The following TASL variants were observed in gnomAD, a reference collection of about 807,000 sequenced individuals.
TASL encodes the protein TLR adapter interacting with SLC15A4 on the lysosome.
In TASL, 6 loss-of-function variants were observed where a neutral mutation model predicts 12.9. That is an observed-to-expected ratio of 0.46 (90% CI 0.25 to 0.92). The LOEUF (loss-of-function observed/expected upper bound fraction) is 0.92, where lower values mean the gene tolerates loss of function less well. Ranked by LOEUF, TASL falls within the 40% of genes least tolerant of loss-of-function variation. The probability of loss-of-function intolerance (pLI) is 0.17; values close to 1 mark genes in which losing one functional copy is unlikely to be tolerated. For missense variants in TASL, 165 were observed against 212.8 expected (o/e 0.78, Z 1.40); for synonymous variants, 85 against 79.3 (o/e 1.07, Z -0.38).
intron 1 of TASL, 65 bp from the exon 2 acceptor site, chrX:30,576,931 C>T (rs753010856): frequency 5.4e-5 from 6 of 112,121 alleles, no homozygotes; most frequent in Non-Finnish European, 5.6e-5. Flanking sequence ...TATATTTAAG[C>T]ACAGATTCAT....
intron 2 of TASL, among the ~76,000 whole-genome samples, chrX:30,574,443 T>C (rs1303192897): frequency 2.7e-5 from 3 of 111,305 alleles, no homozygotes; most frequent in African/African-American, 9.8e-5. Context: ...AGATTGAGGA[T>C]TGGTGGGGAG....
chrX:30,573,617 A>T (rs1156660704), intron 2 of TASL, among the ~76,000 whole-genome samples: 1 of 111,871 alleles, frequency 8.9e-6, no homozygotes, highest in Non-Finnish European at 1.9e-5. Flanking sequence ...CATCTTTCAC[A>T]GGGTGATTTA....
At chrX:30,571,256 GAGAAAGAA>G (rs58163494) in intron 2 of TASL, among the ~76,000 whole-genome samples, 1,865 of 36,637 alleles carry the variant, frequency 0.051, 49 homozygotes, top group Middle Eastern at 0.065. Flanking sequence ...GAGAAAGAAA[GAGAAAGAA>G]AGAAAGAAAG....
chrX:30,558,816 T>C lies in TASL; in HGVS notation c.*634A>G, dbSNP rs772520810. ...ACCCTGAAACCTTTTGACTTTTTTT[T>C]TTTTTTTGAGACGGGAGTCTCACTC... On this transcript the variant is annotated 3_prime_UTR_variant, in exon 3 of 3. Coordinates refer to ENST00000378962, the MANE Select transcript of TASL (RefSeq NM_025159.3). 65 of 110,205 alleles carry C rather than the reference T, an allele frequency of 5.9e-4. No individual in the cohort carries two copies. The highest frequency in any genetic ancestry group is 2.1e-3 in the African/African-American group (62 of 30,228). The allele number at this position is 110,205 out of a possible 1,213,427, so 9.1% of individuals were successfully genotyped here.
chrX:30,571,294 G>GAAAGAAAA (rs1930614914), intron 2 of TASL, among the ~76,000 whole-genome samples: 1 of 85,587 alleles, frequency 1.2e-5, no homozygotes, highest in African/African-American at 4.7e-5. Flanking sequence ...AAGAAAGAAA[G>GAAAGAAAA]AAAGAAAGAA....
At chrX:30,566,115 T>C (rs1930494189) in intron 2 of TASL, among the ~76,000 whole-genome samples, 1 of 111,325 alleles carries the variant, frequency 9.0e-6, no homozygotes, top group Non-Finnish European at 1.9e-5. Flanking sequence ...CATTATAGCA[T>C]ACTATGACAG....
intron 2 of TASL, among the ~76,000 whole-genome samples, chrX:30,562,733 C>T (rs1285957537): frequency 2.7e-5 from 3 of 110,819 alleles, no homozygotes; most frequent in African/African-American, 9.9e-5. Context: ...ACAGTGAGTA[C>T]TTTCCCACCA....
intron 2 of TASL, among the ~76,000 whole-genome samples, chrX:30,562,168 T>G (rs1439694539): frequency 1.8e-5 from 2 of 112,030 alleles, no homozygotes; most frequent in Admixed American, 1.9e-4. Flanking sequence ...GAAATAATCG[T>G]TTGGGAGAAA....
chrX:30,576,946 G>A (rs528101635), intron 1 of TASL, 80 bp from the exon 2 acceptor site: 7 of 112,063 alleles, frequency 6.2e-5, no homozygotes, highest in East Asian at 2.8e-4. Context: ...ATTCATATGC[G>A]CAAGACAAAG....
In TASL at chrX:30,559,103, C is replaced by G. The variant is rs1255719391; in HGVS notation, c.*347G>C. Reference sequence around the variant, plus strand: ...GATTACAGGCGTGAGCCACTACACCCGGCCACCTTTTGGCCTTTTTGTTTC... The same window carrying G: ...GATTACAGGCGTGAGCCACTACACCGGGCCACCTTTTGGCCTTTTTGTTTC... On this transcript the variant is annotated 3_prime_UTR_variant, in exon 3 of 3. Transcript: ENST00000378962. The G allele has an allele frequency of 7.0e-6, 1 of 142,937 alleles. No homozygotes were observed. Among genetic ancestry groups the G allele is most frequent in the Admixed American group, 8.0e-5 (1 of 12,540 alleles). The allele number at this position is 142,937 out of a possible 1,213,427, so 11.8% of individuals were successfully genotyped here.
At chrX:30,572,091 C>G (rs931668087) in intron 2 of TASL, among the ~76,000 whole-genome samples, 11 of 111,234 alleles carry the variant, frequency 9.9e-5, no homozygotes, top group Non-Finnish European at 1.9e-4. Context: ...GAAAAGACAC[C>G]TGAGAATATT....
At chrX:30,571,140 A>G (rs992196128) in intron 2 of TASL, among the ~76,000 whole-genome samples, 2 of 105,571 alleles carry the variant, frequency 1.9e-5, no homozygotes, top group Non-Finnish European at 3.9e-5. Context: ...AGATTGCGCC[A>G]CTGCATTCCA....
At chrX:30,566,710 C>T (rs941474632) in intron 2 of TASL, among the ~76,000 whole-genome samples, 2 of 111,262 alleles carry the variant, frequency 1.8e-5, no homozygotes, top group South Asian at 3.7e-4. Context: ...AATTGTTCAA[C>T]GAAAAATTGT....
intron 2 of TASL, among the ~76,000 whole-genome samples, chrX:30,562,447 C>T (rs966108701): frequency 1.1e-4 from 12 of 111,581 alleles, no homozygotes; most frequent in African/African-American, 3.9e-4. Flanking sequence ...ATCAAGTCTG[C>T]TCACACATCA....
intron 2 of TASL, among the ~76,000 whole-genome samples, chrX:30,574,262 C>T (rs1012596507): frequency 8.9e-6 from 1 of 112,147 alleles, no homozygotes; most frequent in Admixed American, 9.5e-5. Context: ...AACCCTTGGC[C>T]ATCTACTCAG....
chrX:30,560,374 G>A lies in TASL; in HGVS notation c.-1-18C>T, dbSNP rs1225959537. 3.7e-6 allele frequency: 4 copies of A among 1,094,736 alleles called. No individual in the cohort carries two copies. The South Asian group carries it at 6.6e-5, about 18-fold the overall frequency. The allele number at this position is 1,094,736 out of a possible 1,213,427, so 90.2% of individuals were successfully genotyped here. A position where few individuals can be genotyped will look rare whatever the true frequency, so the allele number is the denominator to read the frequency against. On this transcript the variant is annotated intron_variant, in intron 2 of 2. Coordinates refer to ENST00000378962, the MANE Select transcript of TASL (RefSeq NM_025159.3). Reference sequence around the variant, plus strand: ...ACAGCATTCTGGAAAGAGAATTGATGAGTAAGAATGGGGAAAAAGAATACT... The same window carrying A: ...ACAGCATTCTGGAAAGAGAATTGATAAGTAAGAATGGGGAAAAAGAATACT...
intron 2 of TASL, among the ~76,000 whole-genome samples, chrX:30,567,250 T>G (rs189584415): frequency 1.7e-3 from 177 of 101,253 alleles, no homozygotes; most frequent in Non-Finnish European, 3.0e-3. Flanking sequence ...CACTCCAGGC[T>G]GGGCAACAGA....
intron 2 of TASL, among the ~76,000 whole-genome samples, chrX:30,575,173 C>T (rs1930688301): frequency 9.0e-6 from 1 of 111,266 alleles, no homozygotes; most frequent in African/African-American, 3.3e-5. Flanking sequence ...TTCTAAATCC[C>T]ATAATTCCAT....
intron 2 of TASL, among the ~76,000 whole-genome samples, chrX:30,568,668 C>G (rs1930538839): frequency 9.0e-6 from 1 of 111,120 alleles, no homozygotes; most frequent in East Asian, 2.8e-4. Context: ...TCATATTAAA[C>G]AATCAACCCT....
Sources: gnomAD v4.1 joint callset for allele counts (sites outside exome capture counted in the v4.1 genomes callset) on GRCh38, gnomAD v4.1.1 for gene constraint, MANE v1.5 for transcripts, NCBI Gene and HGNC (gene_info 2026-07-23, HGNC 2026-07-21) for gene names.